Variants in ZFAND6 observed in about 807,000 individuals in gnomAD.
The protein encoded by ZFAND6 is AN1-type zinc finger protein 6.
In ZFAND6, 12 loss-of-function variants were observed where a neutral mutation model predicts 24.5. That is an observed-to-expected ratio of 0.49 (90% CI 0.31 to 0.79). The LOEUF is 0.79. ZFAND6 is among the 30% of genes least tolerant of loss of function. The probability of loss-of-function intolerance (pLI) is 0.04; values close to 1 mark genes in which losing one functional copy is unlikely to be tolerated. For missense variants in ZFAND6, 207 were observed against 245.9 expected, an observed-to-expected ratio of 0.84 and a Z score of 1.06; for synonymous variants, 92 against 81.5, an observed-to-expected ratio of 1.13 and a Z score of -0.69.
In ZFAND6 at chr15:80,121,878, C is replaced by A. The variant is rs1349688361; in HGVS notation, c.263+58C>A. 9 of 1,405,594 alleles carry A rather than the reference C, an allele frequency of 6.4e-6. No homozygotes were observed. In the East Asian group the frequency reaches 2.0e-4, roughly 31 times the overall value. 87.1% of individuals were successfully genotyped at this position (1,405,594 alleles called of 1,614,324 possible). ...GCTAATAAAAACTAAAGAGTATATT[C>A]TGTGTTTGATTAATAAGGAAAACTA... On this transcript the variant is annotated intron_variant, in intron 4 of 6. Transcript: ENST00000261749.
At chr15:80,088,087 C>G (rs1265751463) in intron 1 of ZFAND6, among the ~76,000 whole-genome samples, 2 of 152,120 alleles carry the variant, frequency 1.3e-5, no homozygotes, top group Non-Finnish European at 2.9e-5. Context: ...ATTTAATATA[C>G]TGTCCTTATT....
At chr15:80,060,328 G>A (rs1027568336) in intron 1 of ZFAND6, 7 of 152,214 alleles carry the variant, frequency 4.6e-5, no homozygotes, top group Non-Finnish European at 1.0e-4. Context: ...ACTCCTGACT[G>A]GCACCGGGAA....
chr15:80,064,157 C>G (rs1449521488), intron 1 of ZFAND6, among the ~76,000 whole-genome samples: 1 of 152,146 alleles, frequency 6.6e-6, no homozygotes, highest in Non-Finnish European at 1.5e-5. Flanking sequence ...AGAGCTACTA[C>G]TATGTATTTG....
At chr15:80,125,006 C>G (rs1445616642) in intron 5 of ZFAND6, among the ~76,000 whole-genome samples, 1 of 152,150 alleles carries the variant, frequency 6.6e-6, no homozygotes. Flanking sequence ...TGCACACACT[C>G]ATACACTTAC....
chr15:80,093,741 T>A (rs552028438), intron 1 of ZFAND6, among the ~76,000 whole-genome samples: 4 of 152,272 alleles, frequency 2.6e-5, no homozygotes, highest in Admixed American at 2.6e-4. Context: ...AAATAAATAG[T>A]TAGATAGATA....
chr15:80,086,290 A>G (rs868609453), intron 1 of ZFAND6, among the ~76,000 whole-genome samples: 145 of 152,354 alleles, frequency 9.5e-4, no homozygotes, highest in African/African-American at 3.3e-3. Context: ...TGCCTGCCTC[A>G]GCCTCCCAAA....
At chr15:80,087,839 T>C (rs2038095043) in intron 1 of ZFAND6, among the ~76,000 whole-genome samples, 1 of 152,186 alleles carries the variant, frequency 6.6e-6, no homozygotes, top group Non-Finnish European at 1.5e-5. Flanking sequence ...ATATTCTTAC[T>C]TTCCTTGGGG....
At chr15:80,066,005 C>T (rs2036610785) in intron 1 of ZFAND6, among the ~76,000 whole-genome samples, 1 of 151,790 alleles carries the variant, frequency 6.6e-6, no homozygotes, top group Non-Finnish European at 1.5e-5. Flanking sequence ...TTTAAAAACC[C>T]CTGCAGTTGC....
At chr15:80,061,109 C>CTAGGGGAA (rs1265962232) in intron 1 of ZFAND6, among the ~76,000 whole-genome samples, 1 of 152,100 alleles carries the variant, frequency 6.6e-6, no homozygotes, top group Non-Finnish European at 1.5e-5. Context: ...CTCCAGAGCC[C>CTAGGGGAA]TAGGGGAAAT....
At chr15:80,060,484 GTTT>G (rs1309610927) in intron 1 of ZFAND6, 1 of 152,098 alleles carries the variant, frequency 6.6e-6, no homozygotes, top group Non-Finnish European at 1.5e-5. Context: ...TTTTAACTTG[GTTT>G]TTAAGTCACG....
chr15:80,122,781 T>C lies in ZFAND6; in HGVS notation c.345T>C (p.Pro115=), dbSNP rs149918624. 1.8e-4 allele frequency: 285 copies of C among 1,612,780 alleles called. No homozygotes were observed. In the African/African-American group the frequency reaches 2.4e-3, roughly 13 times the overall value. The stretch of plus-strand genomic sequence containing the variant: ...GTACATCTGTGGACAAAGCAGTACC[T>C]GAAACAGAAGATGTGCAGGGTTTGT... ...LDSTSVDKAV[P]ETEDVQASVS... Residue 115 remains proline (P), a synonymous_variant, in exon 5 of 7, where the codon CCT becomes CCC. Coordinates refer to ENST00000261749, the MANE Select transcript of ZFAND6 (RefSeq NM_019006.4).
chr15:80,076,483 A>G (rs1055367914), intron 1 of ZFAND6, among the ~76,000 whole-genome samples: 9 of 152,044 alleles, frequency 5.9e-5, no homozygotes, highest in South Asian at 2.1e-4. Flanking sequence ...TAGGCTCTGT[A>G]TAATACATTC....
chr15:80,095,951 A>C (rs1196059537), intron 1 of ZFAND6, among the ~76,000 whole-genome samples: 2 of 152,234 alleles, frequency 1.3e-5, no homozygotes, highest in Non-Finnish European at 2.9e-5. Flanking sequence ...AACATATGGT[A>C]TCCAAATCTG....
intron 6 of ZFAND6, among the ~76,000 whole-genome samples, chr15:80,134,902 T>C (rs759419671): frequency 2.0e-5 from 3 of 152,354 alleles, no homozygotes; most frequent in Non-Finnish European, 2.9e-5. Flanking sequence ...GTGGACCGTT[T>C]GGTGATATGA....
chr15:80,122,356 A>T (rs933971130), intron 4 of ZFAND6, among the ~76,000 whole-genome samples: 3 of 152,162 alleles, frequency 2.0e-5, no homozygotes, highest in African/African-American at 7.2e-5. Context: ...AGTTCATGAT[A>T]AGATATGTTC....
chr15:80,110,002 TC>T (rs1170457434), intron 2 of ZFAND6, among the ~76,000 whole-genome samples: 1 of 152,204 alleles, frequency 6.6e-6, no homozygotes, highest in East Asian at 1.9e-4. Flanking sequence ...AAGATCGGCT[TC>T]CTGGTTCACT....
In ZFAND6 at chr15:80,121,796, C is replaced by G. The variant is rs1257591769; in HGVS notation, c.239C>G (p.Ser80Cys). ...CCAGAAGCCCAGTCAGCATTAGACT[C>G]TACATCTTCATCTATGCAGCCCAGG... is the stretch of plus-strand genomic sequence containing the variant. ...SVPEAQSALD[S>C]TSSSMQPSPV... The change falls in exon 4 of 7, where the codon TCT (serine) becomes TGT (cysteine). Residue 80 changes from serine (S) to cysteine (C), a missense_variant. By Grantham distance (112) the Ser-to-Cys change is moderately radical. Around this residue, in one of 3 missense-constraint regions of ZFAND6, gnomAD observed 133 missense variants for 122.8 expected, o/e 1.08. Coordinates refer to ENST00000261749, the MANE Select transcript of ZFAND6 (RefSeq NM_019006.4). 2 of 1,613,698 alleles carry G rather than the reference C, an allele frequency of 1.2e-6. No individual in the cohort carries two copies. The highest frequency in any genetic ancestry group is 1.7e-6 in the Non-Finnish European group (2 of 1,179,744).
intron 1 of ZFAND6, among the ~76,000 whole-genome samples, chr15:80,063,472 A>G (rs1264930265): frequency 6.6e-6 from 1 of 151,778 alleles, no homozygotes; most frequent in Non-Finnish European, 1.5e-5. Context: ...GCTCACCGCA[A>G]CCTCTGTCTC....
At chr15:80,119,042 C>G (rs1426245452) in intron 2 of ZFAND6, among the ~76,000 whole-genome samples, 1 of 152,072 alleles carries the variant, frequency 6.6e-6, no homozygotes, top group South Asian at 2.1e-4. Context: ...ACACCCATTT[C>G]GGAGTAACCT....
Sources: gnomAD v4.1 joint callset for allele counts (sites outside exome capture counted in the v4.1 genomes callset) on GRCh38, gnomAD v4.1.1 for gene constraint, gnomAD v4.1.1 regional missense constraint, MANE v1.5 for transcripts, NCBI Gene and HGNC (gene_info 2026-07-23, HGNC 2026-07-21) for gene names.